The following FAM24B variants were observed in gnomAD, a reference collection of about 807,000 sequenced individuals.
FAM24B encodes the protein protein FAM24B.
In FAM24B, 3 loss-of-function variants were observed where a neutral mutation model predicts 2.3. The ratio of observed to expected loss-of-function variants is 1.29; its 90% confidence interval spans 0.59 to 3.32. The LOEUF is 3.32. FAM24B is among the 30% of genes most tolerant of loss of function. The pLI, the probability that FAM24B is intolerant of heterozygous loss-of-function variation, is 0.03. For synonymous variants in FAM24B, 36 were observed against 46.3 expected (o/e 0.78, Z 0.90); for missense variants, 98 against 117.2 (o/e 0.84, Z 0.76).
At chr10:122,853,822 T>G (rs941251711) in intron 2 of FAM24B, among the ~76,000 whole-genome samples, 3 of 152,226 alleles carry the variant, frequency 2.0e-5, no homozygotes, top group Admixed American at 6.5e-5. Context: ...TAACCCTAAA[T>G]AAGCTTAGTC....
chr10:122,854,889 G>GT (rs113991692), intron 2 of FAM24B, among the ~76,000 whole-genome samples: 3,931 of 152,242 alleles, frequency 0.026, 149 homozygotes, highest in African/African-American at 0.083. Context: ...CTAACAAATG[G>GT]TGCAAACACC....
intron 1 of FAM24B, among the ~76,000 whole-genome samples, chr10:122,868,300 C>T (rs1249292816): frequency 3.3e-5 from 5 of 151,568 alleles, no homozygotes; most frequent in African/African-American, 4.9e-5. Flanking sequence ...ACCAAATCTA[C>T]GTCTAATTGG....
intron 1 of FAM24B, among the ~76,000 whole-genome samples, chr10:122,871,464 A>G (rs1453127459): frequency 1.3e-5 from 2 of 151,920 alleles, no homozygotes; most frequent in African/African-American, 4.8e-5. Flanking sequence ...ACCAAAAAAG[A>G]GCCCGCATCG....
At chr10:122,868,850 C>A (rs1847845934) in intron 1 of FAM24B, among the ~76,000 whole-genome samples, 1 of 152,182 alleles carries the variant, frequency 6.6e-6, no homozygotes, top group Non-Finnish European at 1.5e-5. Flanking sequence ...TAAAGACCAT[C>A]AAGGCTAGGA....
At chr10:122,859,318 T>C (rs1213635337) in intron 1 of FAM24B, among the ~76,000 whole-genome samples, 1 of 152,236 alleles carries the variant, frequency 6.6e-6, no homozygotes, top group Non-Finnish European at 1.5e-5. Flanking sequence ...AGTGGTTTAA[T>C]ATTCTAAAGT....
intron 2 of FAM24B, among the ~76,000 whole-genome samples, chr10:122,852,158 C>A (rs1847549542): frequency 6.6e-6 from 1 of 152,134 alleles, no homozygotes; most frequent in Non-Finnish European, 1.5e-5. Context: ...AAGTAAAAAG[C>A]TGAATAAAGT....
At chr10:122,871,345 C>A (rs981651931) in intron 1 of FAM24B, among the ~76,000 whole-genome samples, 10 of 152,226 alleles carry the variant, frequency 6.6e-5, no homozygotes, top group South Asian at 4.1e-4. Flanking sequence ...CAATATTGTG[C>A]AAATGGCCAT....
At chr10:122,860,588 G>A (rs1847713263) in intron 1 of FAM24B, among the ~76,000 whole-genome samples, 1 of 152,222 alleles carries the variant, frequency 6.6e-6, no homozygotes, top group Admixed American at 6.5e-5. Flanking sequence ...ATAAAAAACT[G>A]CCAAACTGTT....
At chr10:122,853,402 T>A (rs957967055) in intron 2 of FAM24B, among the ~76,000 whole-genome samples, 3 of 152,168 alleles carry the variant, frequency 2.0e-5, no homozygotes, top group African/African-American at 4.8e-5. Flanking sequence ...CCCCATGTAT[T>A]TTCATGCCTG....
At chr10:122,874,689 T>C (rs1310448997) in intron 1 of FAM24B, among the ~76,000 whole-genome samples, 8 of 152,204 alleles carry the variant, frequency 5.3e-5, no homozygotes. Context: ...TTTTCCCATC[T>C]TGAATATAAT....
At chr10:122,863,090 A>G (rs1847751919) in intron 1 of FAM24B, among the ~76,000 whole-genome samples, 1 of 152,222 alleles carries the variant, frequency 6.6e-6, no homozygotes, top group South Asian at 2.1e-4. Context: ...TCCCACTTCC[A>G]TTAAGCCAAG....
intron 1 of FAM24B, among the ~76,000 whole-genome samples, chr10:122,862,032 T>C (rs967506269): frequency 3.3e-5 from 5 of 152,208 alleles, no homozygotes; most frequent in Admixed American, 2.6e-4. Flanking sequence ...ATGGCCCTCC[T>C]TCCCTTACTG....
chr10:122,863,292 A>G (rs764192579), intron 1 of FAM24B, among the ~76,000 whole-genome samples: 4 of 152,212 alleles, frequency 2.6e-5, no homozygotes, highest in Non-Finnish European at 4.4e-5. Flanking sequence ...AAGAGACCCT[A>G]TGAGGTAGGT....
At chr10:122,879,284 A>G (rs1288764414) in intron 1 of FAM24B, among the ~76,000 whole-genome samples, 1 of 152,224 alleles carries the variant, frequency 6.6e-6, no homozygotes, top group Non-Finnish European at 1.5e-5. Context: ...ACTCCCCTCT[A>G]ACGCGAGAAT....
At chr10:122,866,812 G>A (rs757282745) in intron 1 of FAM24B, among the ~76,000 whole-genome samples, 1 of 151,906 alleles carries the variant, frequency 6.6e-6, no homozygotes, top group Non-Finnish European at 1.5e-5. Flanking sequence ...CAAAAATATC[G>A]AAATGATAAC....
At chr10:122,855,278 C>T (rs1484495009) in intron 2 of FAM24B, 1 of 152,202 alleles carries the variant, frequency 6.6e-6, no homozygotes, top group Non-Finnish European at 1.5e-5. Context: ...CGTCCCAGAA[C>T]CAGATTACAC....
intron 1 of FAM24B, among the ~76,000 whole-genome samples, chr10:122,876,210 T>C (rs958315763): frequency 6.6e-6 from 1 of 152,202 alleles, no homozygotes; most frequent in Non-Finnish European, 1.5e-5. Flanking sequence ...CACTCTTCCT[T>C]ATGACCCTTG....
chr10:122,872,671 C>G (rs1205462798), intron 1 of FAM24B, among the ~76,000 whole-genome samples: 4 of 151,890 alleles, frequency 2.6e-5, no homozygotes, highest in Non-Finnish European at 5.9e-5. Flanking sequence ...TCATTCTCAG[C>G]AAACTATCGC....
At chr10:122,864,726 T>C (rs1167366690) in intron 1 of FAM24B, among the ~76,000 whole-genome samples, 1 of 152,152 alleles carries the variant, frequency 6.6e-6, no homozygotes, top group African/African-American at 2.4e-5. Context: ...ACATTACCCT[T>C]CTCCTTTCCC....
Sources: gnomAD v4.1 joint callset for allele counts (sites outside exome capture counted in the v4.1 genomes callset) on GRCh38, gnomAD v4.1.1 for gene constraint, MANE v1.5 for transcripts, NCBI Gene and HGNC (gene_info 2026-07-23, HGNC 2026-07-21) for gene names.